Variants in TMBIM1 observed in about 807,000 individuals in gnomAD.
TMBIM1 encodes protein lifeguard 3.
A neutral mutation model predicts 45.1 loss-of-function variants in TMBIM1; 34 were observed. The ratio of observed to expected loss-of-function variants is 0.75; its 90% CI spans 0.57 to 1.00. The LOEUF (loss-of-function observed/expected upper bound fraction) is 1.00, where lower values mean the gene tolerates loss of function less well. Ranked by LOEUF, TMBIM1 falls within the 50% of genes least tolerant of loss-of-function variation. The pLI, the probability that TMBIM1 is intolerant of heterozygous loss-of-function variation, is 0.00. For synonymous variants in TMBIM1, 157 were observed against 153.5 expected (o/e 1.02, Z -0.17); for missense variants, 374 against 402.4 (o/e 0.93, Z 0.60).
chr2:218,282,000 C>A lies in TMBIM1; in HGVS notation c.142G>T (p.Gly48Cys). Reference protein sequence around the residue: ...AYPGYPQPGYGHPAGYPQPMP... With the variant: ...AYPGYPQPGYCHPAGYPQPMP... ...GGCTGTGGGTAGCCAGCAGGGTGAC[C>A]GTAGCCAGGCTGCGGGTAGCCAGGG... is the stretch of plus-strand genomic sequence containing the variant. Residue 48 changes from glycine (G) to cysteine (C), a missense_variant, in exon 2 of 12, where the codon GGT becomes TGT. Coordinates refer to ENST00000258412, the MANE Select transcript of TMBIM1 (RefSeq NM_022152.6). 6.2e-7 allele frequency: 1 copy of A among 1,607,012 alleles called. No individual in the cohort carries two copies. The highest frequency in any genetic ancestry group is 2.2e-5 in the East Asian group (1 of 44,640).
chr2:218,277,224 G>T, intron 9 of TMBIM1, 125 bp from the exon 10 acceptor site: 1 of 1,161,268 alleles, frequency 8.6e-7, no homozygotes, highest in Non-Finnish European at 1.3e-6. Flanking sequence ...AACATTCTAA[G>T]GACAGAAACA....
At chr2:218,284,856 C>T (rs1345493863) in intron 1 of TMBIM1, among the ~76,000 whole-genome samples, 1 of 152,136 alleles carries the variant, frequency 6.6e-6, no homozygotes, top group Non-Finnish European at 1.5e-5. Context: ...TTTGAGAGGC[C>T]GAGGCAGGTG....
At chr2:218,278,958 C>T (rs970675458) in intron 5 of TMBIM1, 80 bp downstream of exon 5, 1 of 1,555,396 alleles carries the variant, frequency 6.4e-7, no homozygotes, top group African/African-American at 1.4e-5. Flanking sequence ...TTTGATCCTG[C>T]CCTGAGCAAA....
At chr2:218,284,729 C>A (rs190839008) in intron 1 of TMBIM1, among the ~76,000 whole-genome samples, 236 of 152,336 alleles carry the variant, frequency 1.5e-3, no homozygotes, top group African/African-American at 5.4e-3. Context: ...AGTTTCTTCA[C>A]CTGGAAAATG....
intron 2 of TMBIM1, 64 bp downstream of exon 2, chr2:218,281,874 GGT>G (rs1338515508): frequency 8.0e-7 from 1 of 1,255,252 alleles, no homozygotes; most frequent in Admixed American, 2.1e-5. Flanking sequence ...GGCAGGAGGC[GGT>G]GGCCTCATCT....
At chr2:218,281,142 T>G (rs1391397381) in intron 2 of TMBIM1, 5 of 105,624 alleles carry the variant, frequency 4.7e-5, no homozygotes, top group Non-Finnish European at 1.2e-4. Context: ...TTTTTTTTGG[T>G]TTTTTTTTTG....
intron 6 of TMBIM1, 102 bp downstream of exon 6, chr2:218,278,406 CTTGTAAG>C: frequency 8.6e-7 from 1 of 1,162,158 alleles, no homozygotes; most frequent in South Asian, 1.3e-5. Flanking sequence ...CTCCTCATTT[CTTGTAAG>C]TTTCCATTCA....
chr2:218,275,859 G>A (rs1691151972), intron 11 of TMBIM1, among the ~76,000 whole-genome samples, 167 bp downstream of exon 11: 1 of 152,186 alleles, frequency 6.6e-6, no homozygotes, highest in African/African-American at 2.4e-5. Context: ...AACAAGAGAT[G>A]GCAAGAGTGC....
At chr2:218,282,332 C>T in intron 1 of TMBIM1, 151 bp from the exon 2 acceptor site, 1 of 506,956 alleles carries the variant, frequency 2.0e-6, no homozygotes, top group Non-Finnish European at 3.4e-6. Flanking sequence ...TTGCTGTCCA[C>T]AGGCCACCTC....
chr2:218,279,636 C>T (rs1217724545), intron 3 of TMBIM1: 2 of 486,722 alleles, frequency 4.1e-6, no homozygotes, highest in Admixed American at 7.6e-5. Context: ...CTCTGCACTC[C>T]CAGCAGCTCA....
intron 11 of TMBIM1, 32 bp from the exon 12 acceptor site, chr2:218,275,653 T>C: frequency 6.3e-7 from 1 of 1,597,008 alleles, no homozygotes; most frequent in East Asian, 2.2e-5. Flanking sequence ...AAGTGAGAAC[T>C]CAGGCATCAG....
Position 218,277,972 on chromosome 2 carries a change from C to T in TMBIM1, c.476G>A (p.Arg159His), listed in dbSNP as rs778758987. 11 of 1,614,140 alleles carry T rather than the reference C, an allele frequency of 6.8e-6. No individual in the cohort carries two copies. Among genetic ancestry groups the T allele is most frequent in the Non-Finnish European group, 7.6e-6 (9 of 1,180,030 alleles). ...CAGAATGATGTTCCATGGGAAACGG[C>T]GTCTGAAGGGAAAGAGAAGCCTTGA... ...LILACCQGPR[R>H]RFPWNIILLT... is the part of the protein sequence containing the mutation. The change falls in exon 7 of 12, where the codon CGC becomes CAC. Residue 159 changes from arginine to histidine, a missense_variant and splice_region_variant. Physicochemically the swap from Arg to His is conservative, Grantham distance 29 (BLOSUM62 0). Transcript: ENST00000258412.
intron 11 of TMBIM1, 135 bp downstream of exon 11, chr2:218,275,891 C>T: frequency 9.0e-7 from 1 of 1,115,834 alleles, no homozygotes; most frequent in Non-Finnish European, 1.3e-6. Flanking sequence ...AATGGAATCT[C>T]TGGACAGTAG....
chr2:218,285,628 C>T (rs1483857272), intron 1 of TMBIM1: 1 of 152,384 alleles, frequency 6.6e-6, no homozygotes, highest in Non-Finnish European at 1.5e-5. Context: ...AGCACAGGAA[C>T]CTGTCCTTGG....
At chr2:218,276,568 G>A (rs879760094) in intron 10 of TMBIM1, among the ~76,000 whole-genome samples, 8 of 152,132 alleles carry the variant, frequency 5.3e-5, no homozygotes, top group East Asian at 1.9e-4. Context: ...GGCAGCCCTC[G>A]TGTCCCCATC....
chr2:218,285,907 C>T (rs1428317661), intron 1 of TMBIM1: 1 of 154,088 alleles, frequency 6.5e-6, no homozygotes, highest in Non-Finnish European at 1.5e-5. Flanking sequence ...GCAAGGCCTC[C>T]ACTAGGGATG....
At chr2:218,279,891 C>A (rs1311424244) in intron 3 of TMBIM1, 135 bp downstream of exon 3, 12 of 701,318 alleles carry the variant, frequency 1.7e-5, no homozygotes, top group Non-Finnish European at 3.1e-5. Flanking sequence ...CTCTGAGAAG[C>A]AGACAAGGCT....
Position 218,277,033 on chromosome 2 carries a change from C to T in TMBIM1, c.706G>A (p.Val236Ile). The T allele has an allele frequency of 6.2e-7, 1 of 1,614,154 alleles. No homozygotes were observed. Among genetic ancestry groups the T allele is most frequent in the Non-Finnish European group, 8.5e-7 (1 of 1,180,002 alleles). ...LGIVLLVTGI[V>I]TSIVLYFQYV... ...TGGAAGTAGAGCACAATGCTAGTGACAATCCCAGTCACCAGGAGCACAATT... is the reference window on the plus strand; with the variant it reads ...TGGAAGTAGAGCACAATGCTAGTGATAATCCCAGTCACCAGGAGCACAATT... The change falls in exon 10 of 12, where the codon GTC (valine) becomes ATC (isoleucine). Residue 236 changes from valine (V) to isoleucine (I), a missense_variant. Val to Ile is a conservative substitution (Grantham distance 29). Transcript: ENST00000258412.
In TMBIM1 at chr2:218,274,825, C is replaced by T. The variant is rs571839302; in HGVS notation, c.*650G>A. On this transcript the variant is annotated 3_prime_UTR_variant, in exon 12 of 12. Coordinates refer to ENST00000258412, the MANE Select transcript of TMBIM1 (RefSeq NM_022152.6). ...AGGGGAGATGCTGTTCCATGCTGGC[C>T]TGTATAGGTTACTTTGCTCGTTCTG... The T allele has an allele frequency of 6.5e-6, 1 of 153,866 alleles. No individual in the cohort carries two copies. The highest frequency in any genetic ancestry group is 6.5e-5 in the Admixed American group (1 of 15,312). The allele number at this position is 153,866 out of a possible 1,614,324, so 9.5% of individuals were successfully genotyped here. A position where few individuals can be genotyped will look rare whatever the true frequency, so the allele number is the denominator to read the frequency against.
Sources: allele counts gnomAD v4.1 joint callset (sites outside exome capture counted in the v4.1 genomes callset), GRCh38; gene constraint gnomAD v4.1.1; transcripts MANE v1.5; gene names NCBI Gene and HGNC (gene_info 2026-07-23, HGNC 2026-07-21).